Variants in ZAN observed in about 807,000 individuals in gnomAD.
ZAN encodes zonadhesin, also known as zonadhesin (gene/pseudogene).
In ZAN, 260 loss-of-function variants were observed where a neutral mutation model predicts 286.2. The ratio of observed to expected loss-of-function variants is 0.91; its 90% CI spans 0.82 to 1.01. The LOEUF (loss-of-function observed/expected upper bound fraction) is 1.01. Ranked by LOEUF, ZAN falls within the 50% of genes least tolerant of loss-of-function variation. ZAN has a pLI of 0.00. For synonymous variants in ZAN, 1,368 were observed against 1,417.5 expected, an observed-to-expected ratio of 0.97 and a Z score of 0.79; for missense variants, 3,410 against 3,639.2, an observed-to-expected ratio of 0.94 and a Z score of 1.62.
At chr7:100,756,178 T>G (rs761319337) in intron 15 of ZAN, among the ~76,000 whole-genome samples, 3 of 152,194 alleles carry the variant, frequency 2.0e-5, no homozygotes, top group Non-Finnish European at 2.9e-5. Flanking sequence ...ATTGTAAAGA[T>G]GAAATTAAGT....
intron 27 of ZAN, among the ~76,000 whole-genome samples, chr7:100,769,523 CTTCCT>C (rs1204146192): frequency 2.0e-4 from 29 of 144,952 alleles, no homozygotes; most frequent in South Asian, 1.1e-3. Context: ...TTTCTTCCTT[CTTCCT>C]TTCCTTTCCT....
chr7:100,755,292 C>A lies in ZAN; in HGVS notation c.3191C>A (p.Pro1064His). The A allele has an allele frequency of 6.2e-7, 1 of 1,613,888 alleles. No homozygotes were observed. The highest frequency in any genetic ancestry group is 8.5e-7 in the Non-Finnish European group (1 of 1,179,876). ...ACPASCKSPRPSCGPLCREGC... is the reference protein window; with the variant it reads ...ACPASCKSPRHSCGPLCREGC... ...CCTGCTTCGTGCAAGAGCCCCAGGC[C>A]TAGCTGTGGGCCCCTCTGTCGGGAG... Residue 1064 changes from proline to histidine, a missense_variant, in exon 15 of 48, where the codon CCT becomes CAT. Around this residue, in one of 7 missense-constraint regions of ZAN, gnomAD observed 1,042 missense variants for 1,058.0 expected, o/e 0.98. Coordinates refer to ENST00000613979, the MANE Select transcript of ZAN (RefSeq NM_003386.3).
At chr7:100,764,835 G>A (rs1437731745) in intron 22 of ZAN, among the ~76,000 whole-genome samples, 5 of 152,118 alleles carry the variant, frequency 3.3e-5, no homozygotes, top group African/African-American at 7.2e-5. Context: ...CAGAGATTGC[G>A]CCACTGCACT....
intron 19 of ZAN, among the ~76,000 whole-genome samples, 199 bp from the exon 20 acceptor site, chr7:100,762,016 G>A (rs528109670): frequency 2.8e-4 from 42 of 152,042 alleles, no homozygotes; most frequent in Non-Finnish European, 5.3e-4. Context: ...CCAGCAAGGG[G>A]TTTGCTGTGG....
At chr7:100,779,196 CTG>C (rs1811020372) in intron 34 of ZAN, among the ~76,000 whole-genome samples, 1 of 146,536 alleles carries the variant, frequency 6.8e-6, no homozygotes, top group African/African-American at 2.5e-5. Context: ...GAGTGAGACT[CTG>C]TCTCCAAAAA....
intron 34 of ZAN, among the ~76,000 whole-genome samples, chr7:100,779,028 G>C (rs1811008122): frequency 6.6e-6 from 1 of 151,208 alleles, no homozygotes; most frequent in African/African-American, 2.4e-5. Context: ...GTGGGACCTT[G>C]TCTCCAGATA....
intron 14 of ZAN, among the ~76,000 whole-genome samples, chr7:100,754,047 A>C (rs1477170457): frequency 6.6e-6 from 1 of 152,094 alleles, no homozygotes; most frequent in African/African-American, 2.4e-5. Flanking sequence ...AGTTCTGGAC[A>C]GTTCATACAA....
chr7:100,769,778 C>T, intron 27 of ZAN, 102 bp from the exon 28 acceptor site: 2 of 1,038,340 alleles, frequency 1.9e-6, no homozygotes, highest in East Asian at 2.7e-5. Context: ...AACTTCTGGT[C>T]TCAAGCGATC....
At chr7:100,773,610 G>A (rs748339521) in intron 30 of ZAN, 111 bp from the exon 31 acceptor site, 295 of 1,540,842 alleles carry the variant, frequency 1.9e-4, no homozygotes, top group Non-Finnish European at 2.4e-4. Context: ...GGCTGGCCAA[G>A]GCTGGGGGGC....
intron 35 of ZAN, among the ~76,000 whole-genome samples, chr7:100,782,043 T>G (rs1444658547): frequency 6.6e-6 from 1 of 152,192 alleles, no homozygotes; most frequent in Non-Finnish European, 1.5e-5. Flanking sequence ...GTAAACTATC[T>G]GCTCTTATCC....
intron 7 of ZAN, among the ~76,000 whole-genome samples, chr7:100,739,852 T>G (rs1212255801): frequency 7.3e-6 from 1 of 137,602 alleles, no homozygotes; most frequent in African/African-American, 2.7e-5. Flanking sequence ...GAGACGGGGT[T>G]TCACCACGTT....
chr7:100,758,418 C>G lies in ZAN; in HGVS notation c.3451+75C>G, dbSNP rs561038295. ...ACGTGACGCCAGGATCCCAATCCCT[C>G]GCTTGAGCAGAGGATTGGGGGCCTG... On this transcript the variant is annotated intron_variant, in intron 16 of 47. Coordinates refer to ENST00000613979, the MANE Select transcript of ZAN (RefSeq NM_003386.3). The G allele has an allele frequency of 3.7e-4, 581 of 1,589,266 alleles. 2 individuals are homozygous for G. In the African/African-American group the frequency reaches 6.2e-3, roughly 17 times the overall value.
chr7:100,734,831 G>A (rs1209505200), intron 2 of ZAN, among the ~76,000 whole-genome samples: 2 of 140,208 alleles, frequency 1.4e-5, no homozygotes, highest in Admixed American at 1.4e-4. Context: ...CTCAGGAAAC[G>A]GACAAGACCC....
intron 31 of ZAN, among the ~76,000 whole-genome samples, chr7:100,774,809 CAGAG>C (rs911600677): frequency 6.7e-6 from 1 of 150,056 alleles, no homozygotes; most frequent in African/African-American, 2.4e-5. Context: ...GCCTGGGTGA[CAGAG>C]AGAGACCATG....
At chr7:100,736,267 G>A (rs969684268) in intron 3 of ZAN, among the ~76,000 whole-genome samples, 3 of 142,348 alleles carry the variant, frequency 2.1e-5, no homozygotes, top group African/African-American at 7.7e-5. Flanking sequence ...GCAGTGGCGC[G>A]ATCTTGGCTC....
intron 16 of ZAN, 75 bp from the exon 17 acceptor site, chr7:100,758,456 G>C (rs142112811): frequency 1.3e-6 from 2 of 1,556,688 alleles, no homozygotes; most frequent in African/African-American, 1.4e-5. Context: ...ACCGGGCAGC[G>C]GGTGGGCCAG....
chr7:100,768,849 T>A, intron 27 of ZAN, 128 bp downstream of exon 27: 1 of 731,858 alleles, frequency 1.4e-6, no homozygotes, highest in Non-Finnish European at 2.2e-6. Flanking sequence ...GGCAGGAAAC[T>A]GGCAATCTCT....
At chr7:100,795,987 C>T (rs1290353466) in intron 45 of ZAN, among the ~76,000 whole-genome samples, 1 of 151,616 alleles carries the variant, frequency 6.6e-6, no homozygotes, top group Non-Finnish European at 1.5e-5. Flanking sequence ...GGCTGAGGCA[C>T]GAGACCCGCT....
Position 100,765,448 on chromosome 7 carries a change from G to A in ZAN, c.4364G>A (p.Arg1455Gln), listed in dbSNP as rs377557641. 35 of 1,613,658 alleles carry A rather than the reference G, an allele frequency of 2.2e-5. No individual in the cohort carries two copies. The highest frequency in any genetic ancestry group is 1.1e-4 in the African/African-American group (8 of 74,934). The change falls in exon 23 of 48, where the codon CGG becomes CAG. Residue 1455 changes from arginine (R) to glutamine (Q), a missense_variant. Around this residue, in one of 7 missense-constraint regions of ZAN, gnomAD observed 1,042 missense variants for 1,058.0 expected, o/e 0.98. Coordinates refer to ENST00000613979, the MANE Select transcript of ZAN (RefSeq NM_003386.3). ...TTCTCCGGCATGTTCTGCTCAGACC[G>A]GTGCGTGGAGGCCTGTGAATGCAAT... ...SGFSGMFCSD[R>Q]CVEACECNPG...
Sources: allele counts gnomAD v4.1 joint callset (sites outside exome capture counted in the v4.1 genomes callset), GRCh38; gene constraint gnomAD v4.1.1; regional missense constraint gnomAD v4.1.1; transcripts MANE v1.5; gene names NCBI Gene and HGNC (gene_info 2026-07-23, HGNC 2026-07-21).